Variants in KDM6A observed in about 807,000 individuals in gnomAD.
The protein encoded by KDM6A is lysine-specific demethylase 6A.
KDM6A carries 11 observed loss-of-function variants against 117.6 expected under a neutral mutation model. The ratio of observed to expected loss-of-function variants is 0.09; its 90% CI spans 0.06 to 0.15. The LOEUF is 0.15. KDM6A is among the 10% of genes least tolerant of loss of function. KDM6A has a pLI of 1.00. For synonymous variants in KDM6A, 384 were observed against 396.1 expected (o/e 0.97, Z 0.36); for missense variants, 799 against 1,077.3 (o/e 0.74, Z 3.62).
At position 44,964,812 on chromosome X, in the gene KDM6A, C is replaced by T. The variant is rs756155372; in HGVS notation, c.334+3420C>T. 2.7e-5 allele frequency among the ~76,000 whole-genome samples: 3 copies of T among 111,981 alleles called. 1 individual carries two copies. The South Asian group carries it at 1.1e-3, about 42-fold the overall frequency. ...GAGCAATTGCTTCCACTTAAAGGCA[C>T]CACCAGCATTAGTTCCTAACAAGAG... On this transcript the variant is annotated intron_variant, in intron 3 of 29. Transcript: ENST00000611820.
Position 45,020,747 on chromosome X carries a change from T to C in KDM6A, c.564+17T>C, listed in dbSNP as rs1342544575. On this transcript the variant is annotated intron_variant, in intron 6 of 29. Transcript: ENST00000611820. The stretch of plus-strand genomic sequence containing the variant: ...AGTTTAAAGGTAGGTTGTTGGGTTT[T>C]TTCAAGATACAATGTTTAATTTTGT... The C allele has an allele frequency of 8.3e-7, 1 of 1,204,654 alleles. No homozygotes were observed. The highest frequency in any genetic ancestry group is 1.7e-5 in the African/African-American group (1 of 57,145).
Position 44,873,245 on chromosome X carries a change from C to G in KDM6A, c.-307C>G, listed in dbSNP as rs2030996503. On this transcript the variant is annotated 5_prime_UTR_variant, in exon 1 of 30. Coordinates refer to ENST00000611820, the MANE Select transcript of KDM6A (RefSeq NM_001291415.2). ...GTGTCTCCAACGAATCCCCTCAGTGCTCCCCAGCCCCGCGCGCTCCGGCCG... is the reference window on the plus strand; with the variant it reads ...GTGTCTCCAACGAATCCCCTCAGTGGTCCCCAGCCCCGCGCGCTCCGGCCG... 1 of 320,068 alleles carries G rather than the reference C, an allele frequency of 3.1e-6. No individual in the cohort carries two copies. The highest frequency in any genetic ancestry group is 5.3e-6 in the Non-Finnish European group (1 of 187,134). The allele number at this position is 320,068 out of a possible 1,213,427, so 26.4% of individuals were successfully genotyped here.
intron 2 of KDM6A, among the ~76,000 whole-genome samples, chrX:44,879,959 G>A (rs2146504477): frequency 9.0e-6 from 1 of 110,662 alleles, no homozygotes; most frequent in South Asian, 3.8e-4. Context: ...GATCACTTGA[G>A]GTCAGGAGTT....
chrX:45,006,900 C>A, intron 4 of KDM6A, among the ~76,000 whole-genome samples: 1 of 109,832 alleles, frequency 9.1e-6, no homozygotes. Flanking sequence ...CATTGCACTC[C>A]AGCCTGGGGA....
rs1208854171 is a variant in KDM6A at position 44,876,160 on chromosome X, T to C, written c.225+2173T>C. 1.8e-5 allele frequency among the ~76,000 whole-genome samples: 2 copies of C among 111,572 alleles called. 1 individual carries two copies. The highest frequency in any genetic ancestry group is 3.8e-5 in the Non-Finnish European group (2 of 53,132). ...CTTCAGACTCAGTGCTTGTGAGGTG[T>C]CCTACCTGCTTAGGACAAGATTCAT... On this transcript the variant is annotated intron_variant, in intron 2 of 29. Coordinates refer to ENST00000611820, the MANE Select transcript of KDM6A (RefSeq NM_001291415.2).
At chrX:44,986,483 G>C (rs1383145766) in intron 4 of KDM6A, among the ~76,000 whole-genome samples, 9 of 111,328 alleles carry the variant, frequency 8.1e-5, no homozygotes, top group African/African-American at 2.9e-4. Flanking sequence ...TGCTTCTCTA[G>C]TTCTTTTAAT....
intron 27 of KDM6A, 101 bp from the exon 28 acceptor site, chrX:45,107,309 A>T (rs1337590008): frequency 1.2e-6 from 1 of 815,389 alleles, no homozygotes; most frequent in Non-Finnish European, 1.9e-6. Context: ...CATAGACATT[A>T]GAATCAAGTC....
intron 27 of KDM6A, 101 bp from the exon 28 acceptor site, chrX:45,107,309 A>G (rs1337590008): frequency 1.2e-6 from 1 of 813,806 alleles, no homozygotes; most frequent in East Asian, 3.2e-5. Flanking sequence ...CATAGACATT[A>G]GAATCAAGTC....
At position 44,873,208 on chromosome X, in the gene KDM6A, C is replaced by T; in HGVS notation, c.-344C>T. 7.5e-6 allele frequency: 2 copies of T among 265,124 alleles called. No homozygotes were observed. The highest frequency in any genetic ancestry group is 1.3e-5 in the Non-Finnish European group (2 of 152,096). The allele number at this position is 265,124 out of a possible 1,213,427, so 21.8% of individuals were successfully genotyped here. On this transcript the variant is annotated 5_prime_UTR_variant, in exon 1 of 30. Transcript: ENST00000611820. ...CAATTACAACAACTTTGTGCTGGTG[C>T]CGGGGAAGTTTGTGTCTCCAACGAA...
chrX:44,959,341 C>T (rs929774291), intron 2 of KDM6A, among the ~76,000 whole-genome samples: 2 of 108,763 alleles, frequency 1.8e-5, no homozygotes, highest in Non-Finnish European at 3.8e-5. Context: ...TGGTGTGTTC[C>T]TTAGTTTTAT....
intron 27 of KDM6A, among the ~76,000 whole-genome samples, chrX:45,094,500 T>G (rs2046020041): frequency 8.9e-6 from 1 of 111,799 alleles, no homozygotes; most frequent in Non-Finnish European, 1.9e-5. Context: ...CCATATCTCC[T>G]TAAGTCCAGC....
At chrX:44,938,760 T>C (rs2037123172) in intron 2 of KDM6A, among the ~76,000 whole-genome samples, 1 of 112,291 alleles carries the variant, frequency 8.9e-6, no homozygotes, top group Non-Finnish European at 1.9e-5. Flanking sequence ...GCCTGACTCA[T>C]TTGTTAGGGG....
chrX:45,084,296 T>C (rs774925574), intron 24 of KDM6A, among the ~76,000 whole-genome samples: 30 of 112,270 alleles, frequency 2.7e-4, no homozygotes, highest in Non-Finnish European at 4.5e-4. Flanking sequence ...ATCTTCTTTG[T>C]GCTCTTTTGC....
At chrX:44,924,695 G>GTATT (rs1431825390) in intron 2 of KDM6A, among the ~76,000 whole-genome samples, 2 of 102,381 alleles carry the variant, frequency 2.0e-5, no homozygotes, top group Non-Finnish European at 4.0e-5. Flanking sequence ...GTGTGTCTAT[G>GTATT]TATTTATTTA....
intron 2 of KDM6A, among the ~76,000 whole-genome samples, chrX:44,940,109 A>G (rs940056271): frequency 2.7e-5 from 3 of 111,206 alleles, no homozygotes; most frequent in African/African-American, 6.5e-5. Context: ...CTGGAGGGCA[A>G]TGGCATGATC....
At chrX:45,044,833 T>A (rs186442185) in intron 8 of KDM6A, among the ~76,000 whole-genome samples, 72 of 111,736 alleles carry the variant, frequency 6.4e-4, no homozygotes, top group African/African-American at 2.2e-3. Context: ...TAACACTGTT[T>A]ATAAGAATTG....
rs1295453686 is a variant in KDM6A, at chrX:44,873,668, C to T, written c.117C>T (p.Pro39=). The T allele has an allele frequency of 1.7e-6, 2 of 1,183,762 alleles. No individual in the cohort carries two copies. Among genetic ancestry groups the T allele is most frequent in the Admixed American group, 2.4e-5 (1 of 41,406 alleles). The change falls in exon 1 of 30, where the codon CCC becomes CCT. Residue 39 remains proline, a synonymous_variant. Transcript: ENST00000611820. Reference sequence around the variant, plus strand: ...GCGGCGAGAGCGAGGAGGCGTCCCCCAGCCTGACAGCCGAGGAGAGGGAGG... The same window carrying T: ...GCGGCGAGAGCGAGGAGGCGTCCCCTAGCCTGACAGCCGAGGAGAGGGAGG... ...KASGESEEAS[P]SLTAEEREAL...
intron 6 of KDM6A, 109 bp from the exon 7 acceptor site, chrX:45,034,822 T>C: frequency 5.0e-6 from 3 of 603,222 alleles, no homozygotes; most frequent in African/African-American, 2.2e-5. Flanking sequence ...TTTATTTGCA[T>C]AGCATGTATT....
intron 2 of KDM6A, among the ~76,000 whole-genome samples, chrX:44,932,084 CTTTTTTTTTTTT>C (rs796121677): frequency 5.3e-4 from 9 of 17,089 alleles, no homozygotes; most frequent in East Asian, 3.0e-3. Context: ...TCTAGGTAGC[CTTTTTTTTTTTT>C]TTTTTTTTTT....
Sources: allele counts gnomAD v4.1 joint callset (sites outside exome capture counted in the v4.1 genomes callset), GRCh38; gene constraint gnomAD v4.1.1; transcripts MANE v1.5; gene names NCBI Gene and HGNC (gene_info 2026-07-23, HGNC 2026-07-21).